Variants in COL27A1 observed in about 807,000 individuals in gnomAD.
COL27A1 encodes collagen alpha-1(XXVII) chain.
In COL27A1, 106 loss-of-function variants were observed where a neutral mutation model predicts 251.3. That is an observed-to-expected ratio of 0.42 (90% confidence interval 0.36 to 0.50). The LOEUF (loss-of-function observed/expected upper bound fraction) is 0.50, where lower values mean the gene tolerates loss of function less well. COL27A1 is among the 20% of genes least tolerant of loss of function. COL27A1 has a pLI of 0.00. For missense variants in COL27A1, 2,325 were observed against 2,522.8 expected, an observed-to-expected ratio of 0.92 and a Z score of 1.68; for synonymous variants, 1,000 against 986.3, an observed-to-expected ratio of 1.01 and a Z score of -0.26.
At chr9:114,194,377 G>C (rs769835830) in intron 5 of COL27A1, 27 bp from the exon 6 acceptor site, 1 of 1,612,656 alleles carries the variant, frequency 6.2e-7, no homozygotes, top group Non-Finnish European at 8.5e-7. Context: ...TGACTTGGTG[G>C]CCAAAGTGGA....
chr9:114,162,839 T>G (rs1252321854), intron 2 of COL27A1, 54 bp downstream of exon 2: 1 of 1,358,386 alleles, frequency 7.4e-7, no homozygotes, highest in Non-Finnish European at 1.0e-6. Flanking sequence ...GGAAGGGGCC[T>G]GAGAACTCAG....
At chr9:114,262,308 C>T (rs1019834617) in intron 28 of COL27A1, among the ~76,000 whole-genome samples, 1 of 152,222 alleles carries the variant, frequency 6.6e-6, no homozygotes, top group African/African-American at 2.4e-5. Context: ...GGTCACACAG[C>T]AAACCAGCAA....
chr9:114,310,846 TG>T lies in COL27A1; in HGVS notation c.*154del. The T allele has an allele frequency of 1.4e-6, 1 of 715,178 alleles. No individual in the cohort carries two copies. Among genetic ancestry groups the T allele is most frequent in the Non-Finnish European group, 2.3e-6 (1 of 441,376 alleles). The allele number at this position is 715,178 out of a possible 1,614,324, so 44.3% of individuals were successfully genotyped here. ...CCAGCTGTTGTCTGCCCAGTAGAAG[TG>T]GGTGGGGGTAGGAGGGGATAGGGTG... On this transcript the variant is annotated 3_prime_UTR_variant, in exon 61 of 61. Coordinates refer to ENST00000356083, the MANE Select transcript of COL27A1 (RefSeq NM_032888.4).
At chr9:114,247,624 T>C (rs1833233997) in intron 24 of COL27A1, among the ~76,000 whole-genome samples, 1 of 152,142 alleles carries the variant, frequency 6.6e-6, no homozygotes, top group South Asian at 2.1e-4. Flanking sequence ...CCAGTCTCAT[T>C]TGGTCAGCAG....
intron 41 of COL27A1, among the ~76,000 whole-genome samples, chr9:114,286,256 C>CA (rs1057299545): frequency 1.8e-4 from 27 of 152,270 alleles, no homozygotes; most frequent in Admixed American, 3.3e-4. Flanking sequence ...AGCACACGCC[C>CA]ACGTGCAGAG....
chr9:114,187,457 A>G (rs1828443970), intron 5 of COL27A1, among the ~76,000 whole-genome samples: 1 of 152,260 alleles, frequency 6.6e-6, no homozygotes, highest in Non-Finnish European at 1.5e-5. Flanking sequence ...CAGGGCAGGT[A>G]TTATTACCCC....
rs986558709 is a variant in COL27A1, at chr9:114,295,648, G to GT, written c.4584+3447dup. Reference sequence around the variant, plus strand: ...TATACCATACATATACGGACAACTGGTTTTTTTTTGTTTTTTTGTTTTTTT... The same window carrying GT: ...TATACCATACATATACGGACAACTGGTTTTTTTTTTGTTTTTTTGTTTTTTT... On this transcript the variant is annotated intron_variant, in intron 49 of 60. Transcript: ENST00000356083. 4.8e-3 allele frequency among the ~76,000 whole-genome samples: 722 copies of GT among 151,280 alleles called. 5 individuals are homozygous for GT. Among genetic ancestry groups the GT allele is most frequent in the African/African-American group, 0.016 (676 of 41,218 alleles).
chr9:114,162,321 T>C (rs959574512), intron 1 of COL27A1, among the ~76,000 whole-genome samples: 1 of 152,160 alleles, frequency 6.6e-6, no homozygotes, highest in Non-Finnish European at 1.5e-5. Flanking sequence ...GTAGTACAGA[T>C]GGGGAGACTG....
At chr9:114,156,387 G>A (rs1294395419) in intron 1 of COL27A1, among the ~76,000 whole-genome samples, 2 of 151,904 alleles carry the variant, frequency 1.3e-5, no homozygotes, top group Non-Finnish European at 2.9e-5. Flanking sequence ...GGTGTGTTCC[G>A]GTGTCTCAGT....
At chr9:114,265,168 CGGGTG>C in intron 31 of COL27A1, 58 bp downstream of exon 31, 2 of 997,110 alleles carry the variant, frequency 2.0e-6, no homozygotes, top group Non-Finnish European at 3.0e-6. Flanking sequence ...GGGTGGGGGG[CGGGTG>C]CGGTGCTGAT....
At chr9:114,209,896 G>T (rs1424455991) in intron 11 of COL27A1, among the ~76,000 whole-genome samples, 168 bp downstream of exon 11, 1 of 152,216 alleles carries the variant, frequency 6.6e-6, no homozygotes, top group Non-Finnish European at 1.5e-5. Flanking sequence ...TGCATTCCAG[G>T]CATAGGGAAC....
In COL27A1 at chr9:114,290,313, C is replaced by A. The variant is rs371179881; in HGVS notation, c.4350C>A (p.Asp1450Glu). The A allele has an allele frequency of 1.3e-6, 2 of 1,581,480 alleles. No individual in the cohort carries two copies. The highest frequency in any genetic ancestry group is 1.7e-6 in the Non-Finnish European group (2 of 1,163,938). The change falls in exon 47 of 61, where the codon GAC (aspartate) becomes GAA (glutamate). Residue 1450 changes from aspartate to glutamate, a missense_variant. Physicochemically the swap from Asp to Glu is conservative, Grantham distance 45. This residue lies in a region of COL27A1 where 153 missense variants were observed against 140.7 expected (regional missense o/e 1.09). Transcript: ENST00000356083. This position sits in a 1 kb window ranked among gnomAD's most constrained non-coding sequence, Gnocchi z 4.6. ...GACCAGATGGGCTTCCTGGCAGGGA[C>A]GGGCAAGCAGGACAGCAGGTGAGCG... ...IAGPDGLPGR[D>E]GQAGQQGEQG...
Position 114,282,296 on chromosome 9 carries a change from G to A in COL27A1, c.3737G>A (p.Gly1246Glu). Residue 1246 changes from glycine (G) to glutamate (E), a missense_variant, in exon 38 of 61, where the codon GGG (glycine) becomes GAG (glutamate). By Grantham distance (98) the Gly-to-Glu change is moderately conservative. Around this residue, in one of 4 missense-constraint regions of COL27A1, gnomAD observed 662 missense variants for 795.3 expected, o/e 0.83. Coordinates refer to ENST00000356083, the MANE Select transcript of COL27A1 (RefSeq NM_032888.4). ...CTTCAGGGTCCTGAAGGAAAATCAG[G>A]GAAGCAAGGCGAGAAGGGCCGCACT... ...TGVRGPEGKS[G>E]KQGEKGRTGA... is the part of the protein sequence containing the mutation. 3.7e-6 allele frequency: 6 copies of A among 1,613,962 alleles called. No homozygotes were observed. Among genetic ancestry groups the A allele is most frequent in the Non-Finnish European group, 5.1e-6 (6 of 1,179,992 alleles).
chr9:114,287,870 G>C (rs999464817), intron 41 of COL27A1, among the ~76,000 whole-genome samples: 1 of 152,162 alleles, frequency 6.6e-6, no homozygotes, highest in Admixed American at 6.5e-5. Context: ...TCATCTCTCC[G>C]AGCCTCATCT....
At chr9:114,307,850 A>C in intron 59 of COL27A1, 72 bp downstream of exon 59, 6 of 1,066,910 alleles carry the variant, frequency 5.6e-6, no homozygotes, top group African/African-American at 1.6e-5. Context: ...GCCACAACCA[A>C]CCCAGGTTCT....
chr9:114,277,149 G>A (rs1291394960), intron 37 of COL27A1, among the ~76,000 whole-genome samples: 3 of 152,058 alleles, frequency 2.0e-5, no homozygotes, highest in African/African-American at 4.8e-5. Flanking sequence ...CTGATGACTC[G>A]GAACTTGACT....
In COL27A1 at chr9:114,290,144, C is replaced by T. The variant is rs199796025; in HGVS notation, c.4260+33C>T. 1.3e-4 allele frequency: 202 copies of T among 1,609,416 alleles called. No individual in the cohort carries two copies. The East Asian group carries it at 4.3e-3, about 34-fold the overall frequency. ...ACTACAGCTGCTGTTTCCAGCCAAC[C>T]TCCCTGCCCGCCCCCCACACCCGCC... is the stretch of plus-strand genomic sequence containing the variant. On this transcript the variant is annotated intron_variant, in intron 46 of 60. Coordinates refer to ENST00000356083, the MANE Select transcript of COL27A1 (RefSeq NM_032888.4). This position sits in a 1 kb window ranked among gnomAD's most constrained non-coding sequence, Gnocchi z 4.6.
chr9:114,268,526 A>C (rs1162682743), intron 34 of COL27A1, among the ~76,000 whole-genome samples: 4 of 152,204 alleles, frequency 2.6e-5, no homozygotes, highest in Non-Finnish European at 5.9e-5. Flanking sequence ...CTCAAGGAAG[A>C]ATAAAGTCAC....
At chr9:114,166,293 AT>A (rs1848851666) in intron 2 of COL27A1, among the ~76,000 whole-genome samples, 2 of 146,546 alleles carry the variant, frequency 1.4e-5, no homozygotes, top group Non-Finnish European at 3.0e-5. Context: ...CCATCCATCT[AT>A]TCATCTATTC....
Sources: gnomAD v4.1 joint callset for allele counts (sites outside exome capture counted in the v4.1 genomes callset) on GRCh38, gnomAD v4.1.1 for gene constraint, gnomAD v4.1.1 regional missense constraint, Gnocchi (gnomAD v3.1) non-coding constraint, MANE v1.5 for transcripts, NCBI Gene and HGNC (gene_info 2026-07-23, HGNC 2026-07-21) for gene names.